Variants in UNC13C observed in about 807,000 individuals in gnomAD.
UNC13C encodes the protein protein unc-13 homolog C.
A neutral mutation model predicts 245.4 loss-of-function variants in UNC13C; 174 were observed. The ratio of observed to expected loss-of-function variants is 0.71; its 90% CI spans 0.63 to 0.80. The LOEUF (loss-of-function observed/expected upper bound fraction) is 0.80. Ranked by LOEUF, UNC13C falls within the 30% of genes least tolerant of loss-of-function variation. The probability of loss-of-function intolerance (pLI) is 0.00; values close to 1 mark genes in which losing one functional copy is unlikely to be tolerated. For missense variants in UNC13C, 2,829 were observed against 2,602.9 expected (o/e 1.09, Z -1.89); for synonymous variants, 992 against 895.1 (o/e 1.11, Z -1.93).
At chr15:54,482,031 G>A (rs965478496) in intron 19 of UNC13C, among the ~76,000 whole-genome samples, 1 of 152,126 alleles carries the variant, frequency 6.6e-6, no homozygotes, top group East Asian at 1.9e-4. Flanking sequence ...CTAGGCAGGT[G>A]GCTCTCAAGC....
rs977011104 is a variant in UNC13C, at chr15:54,135,072, T to C, written c.2984-7946T>C. ...TGTATTTCTCTGCTGATGAATGATATTGAGCACCTTTTTAAATGTGTATTA... is the reference window on the plus strand; with the variant it reads ...TGTATTTCTCTGCTGATGAATGATACTGAGCACCTTTTTAAATGTGTATTA... On this transcript the variant is annotated intron_variant, in intron 2 of 32. Coordinates refer to ENST00000260323, the MANE Select transcript of UNC13C (RefSeq NM_001080534.3). 7.9e-5 allele frequency among the ~76,000 whole-genome samples: 12 copies of C among 152,226 alleles called. 1 individual carries two copies. The highest frequency in any genetic ancestry group is 7.2e-4 in the Admixed American group (11 of 15,286).
At position 54,442,878 on chromosome 15, in the gene UNC13C, TTTG is replaced by T. The variant is rs1890607359; in HGVS notation, c.4933+27819_4933+27821del. On this transcript the variant is annotated intron_variant, in intron 19 of 32. Transcript: ENST00000260323. ...CAGGGATATTGGCCTGTAGTTTATT[TTTG>T]TTGTTGTGTCCTTTTCTGGTTTTAG... Among the ~76,000 whole-genome samples the T allele has an allele frequency of 2.0e-5, 3 of 152,126 alleles. 1 individual carries two copies. In the South Asian group the frequency reaches 6.2e-4, roughly 31 times the overall value.
chr15:54,038,124 A>ATATATATT, intron 2 of UNC13C, among the ~76,000 whole-genome samples: 1 of 45,040 alleles, frequency 2.2e-5, no homozygotes, highest in Non-Finnish European at 3.5e-5. Flanking sequence ...ATATATATAT[A>ATATATATT]TTTTTTTTTT....
chr15:54,214,024 T>C (rs147448239), intron 4 of UNC13C, among the ~76,000 whole-genome samples: 34 of 151,986 alleles, frequency 2.2e-4, no homozygotes, highest in African/African-American at 8.0e-4. Flanking sequence ...CACTACAAAT[T>C]ATTATATCTT....
intron 1 of UNC13C, among the ~76,000 whole-genome samples, chr15:53,979,423 T>A (rs1893835069): frequency 8.0e-6 from 1 of 124,804 alleles, no homozygotes; most frequent in African/African-American, 2.6e-5. Flanking sequence ...TTTCTAGCTC[T>A]TCATCAGTTC....
the UNC13C span, among the ~76,000 whole-genome samples, chr15:53,841,414 A>T: frequency 6.6e-6 from 1 of 152,124 alleles, no homozygotes; most frequent in East Asian, 1.9e-4. Context: ...CTTCTCTAAA[A>T]TATATATCGT....
chr15:54,511,891 C>A, intron 24 of UNC13C, 61 bp downstream of exon 24: 1 of 1,208,956 alleles, frequency 8.3e-7, no homozygotes. Flanking sequence ...AGCAGCATAT[C>A]TCTTGCTATG....
chr15:54,080,004 CG>C lies in UNC13C; in HGVS notation c.2984-63012del, dbSNP rs879692520. ...TTCCTTCAAGGCCTGGTTTGTCGAG[CG>C]GTTTTTTTTTTTTTTTATCATAAAG... On this transcript the variant is annotated intron_variant, in intron 2 of 32. Coordinates refer to ENST00000260323, the MANE Select transcript of UNC13C (RefSeq NM_001080534.3). Among the ~76,000 whole-genome samples, 3 of 128,100 alleles carry C rather than the reference CG, an allele frequency of 2.3e-5. 1 individual carries two copies. The highest frequency in any genetic ancestry group is 4.9e-5 in the Non-Finnish European group (3 of 61,794). The allele number at this position is 128,100 out of a possible 152,430, so 84.0% of individuals were successfully genotyped here.
intron 17 of UNC13C, among the ~76,000 whole-genome samples, chr15:54,352,849 G>A (rs945063654): frequency 5.9e-5 from 9 of 151,992 alleles, no homozygotes; most frequent in Admixed American, 5.2e-4. Flanking sequence ...TCTCTATAGA[G>A]GTGTTCAATT....
chr15:53,923,709 A>G, the UNC13C span, among the ~76,000 whole-genome samples: 8 of 152,182 alleles, frequency 5.3e-5, no homozygotes, highest in Non-Finnish European at 1.0e-4. Flanking sequence ...ATTGGGAGAG[A>G]GTGTGCTTCT....
At chr15:54,618,367 C>T (rs1382227033) in intron 30 of UNC13C, among the ~76,000 whole-genome samples, 1 of 152,150 alleles carries the variant, frequency 6.6e-6, no homozygotes, top group Non-Finnish European at 1.5e-5. Flanking sequence ...ATGGTGATTT[C>T]ACATGTAGGC....
chr15:54,089,248 C>A (rs1479212678), intron 2 of UNC13C, among the ~76,000 whole-genome samples: 2 of 152,130 alleles, frequency 1.3e-5, no homozygotes, highest in African/African-American at 2.4e-5. Flanking sequence ...GCAAGGTATG[C>A]CTAGTACTAG....
At chr15:54,264,068 C>G in intron 8 of UNC13C, 100 bp from the exon 9 acceptor site, 1 of 1,159,418 alleles carries the variant, frequency 8.6e-7, no homozygotes, top group South Asian at 1.4e-5. Context: ...AGAATGAAAG[C>G]ACTCATTCAT....
At chr15:54,330,312 G>C (rs532558590) in intron 14 of UNC13C, among the ~76,000 whole-genome samples, 2 of 152,188 alleles carry the variant, frequency 1.3e-5, no homozygotes, top group South Asian at 4.1e-4. Flanking sequence ...TTAATAAGCT[G>C]TCTACATCTC....
chr15:54,080,797 T>A (rs1898901326), intron 2 of UNC13C, among the ~76,000 whole-genome samples: 1 of 152,058 alleles, frequency 6.6e-6, no homozygotes, highest in Non-Finnish European at 1.5e-5. Context: ...CTTTGTTTGT[T>A]TTTTGGGGTC....
At chr15:54,030,776 G>GA (rs149968359) in intron 2 of UNC13C, among the ~76,000 whole-genome samples, 1 of 152,088 alleles carries the variant, frequency 6.6e-6, no homozygotes, top group Non-Finnish European at 1.5e-5. Context: ...CTTCCAGAAA[G>GA]AAAAAAACAC....
intron 30 of UNC13C, among the ~76,000 whole-genome samples, chr15:54,603,293 T>C (rs1899548368): frequency 6.6e-6 from 1 of 152,214 alleles, no homozygotes; most frequent in African/African-American, 2.4e-5. Context: ...TCTCTTTTAA[T>C]CATATTGAAT....
At chr15:54,558,420 G>A (rs376400552) in intron 29 of UNC13C, among the ~76,000 whole-genome samples, 1 of 151,934 alleles carries the variant, frequency 6.6e-6, no homozygotes. Context: ...TTTTCAATCA[G>A]TATGTACGAA....
intron 2 of UNC13C, among the ~76,000 whole-genome samples, chr15:54,082,978 A>G (rs769723030): frequency 1.3e-5 from 2 of 151,834 alleles, no homozygotes; most frequent in Non-Finnish European, 2.9e-5. Context: ...CAGGGAGCAC[A>G]TCTTGTGTAC....
Sources: allele counts gnomAD v4.1 joint callset (sites outside exome capture counted in the v4.1 genomes callset), GRCh38; gene constraint gnomAD v4.1.1; transcripts MANE v1.5; gene names NCBI Gene and HGNC (gene_info 2026-07-23, HGNC 2026-07-21).